Variants in FNDC3B observed in about 807,000 individuals in gnomAD.
FNDC3B encodes the protein fibronectin type III domain containing 3B, also known as fibronectin type III domain-containing protein 3B.
FNDC3B carries 12 observed loss-of-function variants against 151.5 expected under a neutral mutation model. The ratio of observed to expected loss-of-function variants is 0.08; its 90% CI spans 0.05 to 0.13. The LOEUF (loss-of-function observed/expected upper bound fraction) is 0.13, where lower values mean the gene tolerates loss of function less well. Among genes scored for constraint, FNDC3B ranks in the 10% least tolerant of loss-of-function variants. FNDC3B has a pLI of 1.00. For synonymous variants in FNDC3B, 528 were observed against 549.0 expected (o/e 0.96, Z 0.54); for missense variants, 1,214 against 1,505.3 (o/e 0.81, Z 3.20).
intron 1 of FNDC3B, among the ~76,000 whole-genome samples, chr3:172,084,924 G>T (rs1307257621): frequency 6.6e-6 from 1 of 152,122 alleles, no homozygotes; most frequent in African/African-American, 2.4e-5. Flanking sequence ...ATGAGAACAA[G>T]AATTTTTGCC....
intron 1 of FNDC3B, among the ~76,000 whole-genome samples, chr3:172,109,984 A>T: frequency 6.6e-6 from 1 of 152,012 alleles, no homozygotes; most frequent in East Asian, 1.9e-4. Context: ...GGTCTGGGGG[A>T]TCCATCTACC....
At chr3:172,220,618 T>A (rs918432100) in intron 3 of FNDC3B, among the ~76,000 whole-genome samples, 1 of 152,244 alleles carries the variant, frequency 6.6e-6, no homozygotes, top group African/African-American at 2.4e-5. Flanking sequence ...TCTGTTTTCT[T>A]CTAAGAGTTT....
chr3:172,252,944 C>G (rs1728160273), intron 6 of FNDC3B, among the ~76,000 whole-genome samples: 1 of 152,054 alleles, frequency 6.6e-6, no homozygotes, highest in Non-Finnish European at 1.5e-5. Flanking sequence ...TCAAATGATA[C>G]TGTAATTTCT....
At chr3:172,254,108 C>T (rs1366408044) in intron 6 of FNDC3B, among the ~76,000 whole-genome samples, 1 of 152,090 alleles carries the variant, frequency 6.6e-6, no homozygotes, top group Non-Finnish European at 1.5e-5. Flanking sequence ...TTATCACTTA[C>T]AAAAAACAAA....
chr3:172,184,369 T>C (rs933468738), intron 3 of FNDC3B: 4 of 152,080 alleles, frequency 2.6e-5, no homozygotes, highest in Admixed American at 6.6e-5. Flanking sequence ...GTGATGGCGA[T>C]CAAGAAAATA....
chr3:172,114,789 T>C (rs763997366), intron 2 of FNDC3B, among the ~76,000 whole-genome samples: 33 of 152,184 alleles, frequency 2.2e-4, no homozygotes, highest in Non-Finnish European at 1.9e-4. Context: ...AAGCTTTCTC[T>C]AAAGCTAATA....
At chr3:172,072,830 A>C (rs543401645) in intron 1 of FNDC3B, among the ~76,000 whole-genome samples, 2 of 152,340 alleles carry the variant, frequency 1.3e-5, no homozygotes, top group African/African-American at 4.8e-5. Flanking sequence ...AGTGGTAATG[A>C]AGCTAGATTT....
intron 4 of FNDC3B, among the ~76,000 whole-genome samples, chr3:172,245,556 T>C (rs1727734140): frequency 6.6e-6 from 1 of 152,216 alleles, no homozygotes; most frequent in Non-Finnish European, 1.5e-5. Flanking sequence ...AAAATCATGA[T>C]GTATTTATAC....
intron 4 of FNDC3B, among the ~76,000 whole-genome samples, chr3:172,233,350 C>T (rs1726979242): frequency 6.6e-6 from 1 of 152,126 alleles, no homozygotes; most frequent in Admixed American, 6.5e-5. Flanking sequence ...GCAGAAACAA[C>T]AAAAATACCG....
chr3:172,116,842 A>C (rs1720281383), intron 2 of FNDC3B, among the ~76,000 whole-genome samples: 1 of 152,216 alleles, frequency 6.6e-6, no homozygotes, highest in South Asian at 2.1e-4. Flanking sequence ...CTGGGATTAC[A>C]TGTGTGAGCC....
chr3:172,086,107 TCCCAG>T (rs889231317), intron 1 of FNDC3B, among the ~76,000 whole-genome samples: 1 of 152,200 alleles, frequency 6.6e-6, no homozygotes, highest in Admixed American at 6.5e-5. Flanking sequence ...ACACCTGTAT[TCCCAG>T]CACTTTAGGA....
Position 172,042,243 on chromosome 3 carries a change from C to T in FNDC3B, c.-29+2472C>T, listed in dbSNP as rs886704958. Among the ~76,000 whole-genome samples the T allele has an allele frequency of 6.6e-5, 10 of 152,146 alleles. No homozygotes were observed. In the East Asian group the frequency reaches 1.2e-3, roughly 18 times the overall value. On this transcript the variant is annotated intron_variant, in intron 1 of 25. Transcript: ENST00000415807. Reference sequence around the variant, plus strand: ...GACTTTATAAATAGCTCACATCAGACGATGGGTTATATTGGAGAGCCAGTC... The same window carrying T: ...GACTTTATAAATAGCTCACATCAGATGATGGGTTATATTGGAGAGCCAGTC...
intron 1 of FNDC3B, among the ~76,000 whole-genome samples, chr3:172,075,201 G>T (rs751579546): frequency 6.6e-6 from 1 of 151,988 alleles, no homozygotes; most frequent in Non-Finnish European, 1.5e-5. Context: ...TACGATACTT[G>T]TAGTTTTATA....
chr3:172,186,596 T>G (rs1724198168), intron 3 of FNDC3B: 1 of 631,678 alleles, frequency 1.6e-6, no homozygotes, highest in Admixed American at 2.7e-5. Context: ...ATTTTTACTC[T>G]TATTTTATAA....
chr3:172,277,683 G>T (rs1285480624), intron 6 of FNDC3B, among the ~76,000 whole-genome samples: 1 of 151,998 alleles, frequency 6.6e-6, no homozygotes, highest in African/African-American at 2.4e-5. Flanking sequence ...ATAAAATTTT[G>T]CATTTCTAGA....
intron 1 of FNDC3B, among the ~76,000 whole-genome samples, chr3:172,045,618 C>T (rs1383451283): frequency 6.6e-6 from 1 of 151,988 alleles, no homozygotes; most frequent in Admixed American, 6.6e-5. Context: ...TCACAATTGC[C>T]TTTTCTTCTT....
intron 20 of FNDC3B, 135 bp from the exon 21 acceptor site, chr3:172,347,077 G>T: frequency 5.4e-6 from 4 of 739,850 alleles, no homozygotes; most frequent in East Asian, 2.6e-5. Flanking sequence ...ATTTGTGATC[G>T]TGCCTTTCTT....
intron 4 of FNDC3B, among the ~76,000 whole-genome samples, chr3:172,239,648 T>G (rs755777186): frequency 6.6e-6 from 1 of 151,988 alleles, no homozygotes; most frequent in Non-Finnish European, 1.5e-5. Context: ...AAGCTTCTCT[T>G]TTGATTCTTG....
At chr3:172,283,777 T>G (rs1447345530) in intron 6 of FNDC3B, among the ~76,000 whole-genome samples, 7 of 152,214 alleles carry the variant, frequency 4.6e-5, no homozygotes, top group African/African-American at 1.4e-4. Flanking sequence ...TTATATAATA[T>G]TTACAGTTTA....
Sources: allele counts gnomAD v4.1 joint callset (sites outside exome capture counted in the v4.1 genomes callset), GRCh38; gene constraint gnomAD v4.1.1; transcripts MANE v1.5; gene names NCBI Gene and HGNC (gene_info 2026-07-23, HGNC 2026-07-21).